The following ETV6 variants were observed in gnomAD, a reference collection of about 807,000 sequenced individuals.
The protein encoded by ETV6 is transcription factor ETV6.
ETV6 carries 16 observed loss-of-function variants against 51.1 expected under a neutral mutation model. The ratio of observed to expected loss-of-function variants is 0.31; its 90% CI spans 0.21 to 0.48. ETV6 has a LOEUF of 0.48. ETV6 is among the 20% of genes least tolerant of loss of function. ETV6 has a pLI of 0.99. For missense variants in ETV6, 458 were observed against 594.8 expected, an observed-to-expected ratio of 0.77 and a Z score of 2.39; for synonymous variants, 240 against 224.1, an observed-to-expected ratio of 1.07 and a Z score of -0.64.
intron 1 of ETV6, among the ~76,000 whole-genome samples, chr12:11,711,669 T>C (rs1436593487): frequency 6.6e-6 from 1 of 152,254 alleles, no homozygotes; most frequent in Non-Finnish European, 1.5e-5. Flanking sequence ...CATTTTCAGA[T>C]GTCAGTTAAA....
chr12:11,878,828 GAAA>G (rs58898825), intron 5 of ETV6, among the ~76,000 whole-genome samples: 2 of 139,804 alleles, frequency 1.4e-5, no homozygotes, highest in African/African-American at 5.7e-5. Context: ...AGGAGGAGGG[GAAA>G]AAAAAAAAAA....
At chr12:11,661,634 C>A (rs1591592434) in intron 1 of ETV6, among the ~76,000 whole-genome samples, 1 of 152,246 alleles carries the variant, frequency 6.6e-6, no homozygotes, top group Non-Finnish European at 1.5e-5. Flanking sequence ...CCCTGGACAA[C>A]AGCCAGCTCC....
intron 1 of ETV6, among the ~76,000 whole-genome samples, chr12:11,715,320 G>A (rs1289379046): frequency 6.6e-6 from 1 of 152,178 alleles, no homozygotes. Context: ...TTTTGAAGAT[G>A]AAGAGAAGGA....
chr12:11,810,499 C>T (rs1331872437), intron 2 of ETV6, among the ~76,000 whole-genome samples: 1 of 152,144 alleles, frequency 6.6e-6, no homozygotes, highest in Non-Finnish European at 1.5e-5. Flanking sequence ...TGCCATGATC[C>T]ATGGTTCCTA....
Position 11,802,648 on chromosome 12 carries a change from G to T in ETV6, c.164-36492G>T, listed in dbSNP as rs77353866. On this transcript the variant is annotated intron_variant, in intron 2 of 7. Transcript: ENST00000396373. Reference sequence around the variant, plus strand: ...TGTCTTGCAGGACGACCAATCTTAAGCCATAGCACAAAATTCTTAAATAGA... The same window carrying T: ...TGTCTTGCAGGACGACCAATCTTAATCCATAGCACAAAATTCTTAAATAGA... Among the ~76,000 whole-genome samples, 384 of 152,318 alleles carry T rather than the reference G, an allele frequency of 2.5e-3. 5 individuals are homozygous for T. The highest frequency in any genetic ancestry group is 8.7e-3 in the African/African-American group (363 of 41,564).
At chr12:11,823,885 T>G (rs1946117766) in intron 2 of ETV6, among the ~76,000 whole-genome samples, 3 of 152,248 alleles carry the variant, frequency 2.0e-5, no homozygotes, top group Non-Finnish European at 4.4e-5. Flanking sequence ...AGCCATTTGA[T>G]TCTTCCTGTG....
At chr12:11,873,884 GCTA>G (rs1946921925) in intron 5 of ETV6, among the ~76,000 whole-genome samples, 1 of 112,086 alleles carries the variant, frequency 8.9e-6, no homozygotes, top group African/African-American at 3.5e-5. Context: ...GTCAGGGCAA[GCTA>G]CATGGAGGGC....
chr12:11,789,022 A>G (rs765998301), intron 2 of ETV6, among the ~76,000 whole-genome samples: 2 of 151,672 alleles, frequency 1.3e-5, no homozygotes, highest in Non-Finnish European at 2.9e-5. Context: ...TAGTATATTT[A>G]TTGTTTTTGT....
chr12:11,662,600 G>C (rs1043809876), intron 1 of ETV6, among the ~76,000 whole-genome samples: 3 of 152,214 alleles, frequency 2.0e-5, no homozygotes, highest in African/African-American at 7.2e-5. Flanking sequence ...GTGGGTGGAT[G>C]AGAATAGAGT....
At chr12:11,658,124 C>T (rs1864035089) in intron 1 of ETV6, among the ~76,000 whole-genome samples, 1 of 152,222 alleles carries the variant, frequency 6.6e-6, no homozygotes, top group East Asian at 1.9e-4. Context: ...AAAGTTAGTT[C>T]TCCTCCTCCT....
At chr12:11,720,725 A>C (rs1865367660) in intron 1 of ETV6, among the ~76,000 whole-genome samples, 1 of 152,344 alleles carries the variant, frequency 6.6e-6, no homozygotes, top group Non-Finnish European at 1.5e-5. Context: ...AAAATTGACA[A>C]GTGGGAACTA....
At chr12:11,705,921 C>A (rs1565492992) in intron 1 of ETV6, among the ~76,000 whole-genome samples, 1 of 152,190 alleles carries the variant, frequency 6.6e-6, no homozygotes, top group Non-Finnish European at 1.5e-5. Context: ...AAAGCAGGAG[C>A]CTTGAATCTA....
At chr12:11,823,820 T>C (rs1409778121) in intron 2 of ETV6, among the ~76,000 whole-genome samples, 1 of 152,098 alleles carries the variant, frequency 6.6e-6, no homozygotes, top group Non-Finnish European at 1.5e-5. Context: ...CTTAGTTCTT[T>C]CGGTGGGAGA....
At chr12:11,806,370 A>G (rs954790693) in intron 2 of ETV6, among the ~76,000 whole-genome samples, 2 of 152,224 alleles carry the variant, frequency 1.3e-5, no homozygotes, top group African/African-American at 4.8e-5. Context: ...GTAACAGGCA[A>G]TTAGAGGTTA....
intron 2 of ETV6, among the ~76,000 whole-genome samples, chr12:11,780,346 C>G (rs1424458295): frequency 6.6e-6 from 1 of 151,900 alleles, no homozygotes; most frequent in Non-Finnish European, 1.5e-5. Flanking sequence ...TTTTTACTGC[C>G]CTGGGACAAC....
At chr12:11,707,617 A>G (rs896403379) in intron 1 of ETV6, among the ~76,000 whole-genome samples, 1 of 152,074 alleles carries the variant, frequency 6.6e-6, no homozygotes, top group African/African-American at 2.4e-5. Context: ...GGAAAGAATG[A>G]TTTTCTTCTC....
rs77214001 is a variant in ETV6 at position 11,843,586 on chromosome 12, A to G, written c.328+4282A>G. Among the ~76,000 whole-genome samples, 506 of 152,312 alleles carry G rather than the reference A, an allele frequency of 3.3e-3. 3 individuals carry two copies. The highest frequency in any genetic ancestry group is 5.9e-3 in the Non-Finnish European group (403 of 68,026). On this transcript the variant is annotated intron_variant, in intron 3 of 7. Transcript: ENST00000396373. ...AACAATGTAGCTTTCTATGCTCTCTATATATGGAAACAACATTCTTTAACA... is the reference window on the plus strand; with the variant it reads ...AACAATGTAGCTTTCTATGCTCTCTGTATATGGAAACAACATTCTTTAACA...
In ETV6 at chr12:11,760,904, GTGTGTA is replaced by G. The variant is rs1202719686; in HGVS notation, c.163+8327_163+8332del. ...TGTGTGTGTGTGTGTGTGTGTGTGT[GTGTGTA>G]TATAAAAGTATATGTGTGTGTGTGT... On this transcript the variant is annotated intron_variant, in intron 2 of 7. Coordinates refer to ENST00000396373, the MANE Select transcript of ETV6 (RefSeq NM_001987.5). 2.5e-4 allele frequency among the ~76,000 whole-genome samples: 37 copies of G among 149,838 alleles called. No individual in the cohort carries two copies. The East Asian group carries it at 7.0e-3, about 28-fold the overall frequency.
intron 2 of ETV6, among the ~76,000 whole-genome samples, chr12:11,758,705 T>A (rs539730294): frequency 6.6e-6 from 1 of 152,288 alleles, no homozygotes; most frequent in Non-Finnish European, 1.5e-5. Context: ...TGCTATCACA[T>A]CAGTGTTCCA....
Sources: gnomAD v4.1 joint callset for allele counts (sites outside exome capture counted in the v4.1 genomes callset) on GRCh38, gnomAD v4.1.1 for gene constraint, MANE v1.5 for transcripts, NCBI Gene and HGNC (gene_info 2026-07-23, HGNC 2026-07-21) for gene names.